Variants in NTNG1 observed in about 807,000 individuals in gnomAD.
NTNG1 encodes the protein netrin-G1.
Under a neutral mutation model 54.0 loss-of-function variants are expected in NTNG1, and 16 were observed. The ratio of observed to expected loss-of-function variants is 0.30; its 90% confidence interval spans 0.20 to 0.45. The LOEUF is 0.45. NTNG1 is among the 20% of genes least tolerant of loss of function. The pLI is 1.00. For synonymous variants in NTNG1, 255 were observed against 263.1 expected (o/e 0.97, Z 0.30); for missense variants, 530 against 678.7 (o/e 0.78, Z 2.43).
At chr1:107,313,854 GA>G (rs1163292272) in intron 2 of NTNG1, among the ~76,000 whole-genome samples, 1 of 151,912 alleles carries the variant, frequency 6.6e-6, no homozygotes, top group Non-Finnish European at 1.5e-5. Context: ...CTTTTAAGTG[GA>G]ATCTGCTCCT....
chr1:107,436,458 G>T (rs1371466229), intron 6 of NTNG1, among the ~76,000 whole-genome samples: 1 of 152,136 alleles, frequency 6.6e-6, no homozygotes, highest in African/African-American at 2.4e-5. Flanking sequence ...GTTTTCAGTT[G>T]ATTTCCTCCC....
At chr1:107,372,533 A>G (rs1034900309) in intron 3 of NTNG1, among the ~76,000 whole-genome samples, 1 of 152,090 alleles carries the variant, frequency 6.6e-6, no homozygotes, top group African/African-American at 2.4e-5. Context: ...GAGAACATAC[A>G]TTGTATAACT....
At chr1:107,304,867 T>C (rs914421784) in intron 2 of NTNG1, among the ~76,000 whole-genome samples, 9 of 152,156 alleles carry the variant, frequency 5.9e-5, no homozygotes, top group African/African-American at 2.2e-4. Context: ...GTATTTCTTC[T>C]AATGCTATCC....
intron 2 of NTNG1, among the ~76,000 whole-genome samples, chr1:107,272,605 G>A (rs1213673377): frequency 1.3e-5 from 2 of 152,058 alleles, no homozygotes; most frequent in Non-Finnish European, 2.9e-5. Flanking sequence ...ACAGAATTCA[G>A]GTATAGAATA....
intron 2 of NTNG1, among the ~76,000 whole-genome samples, chr1:107,163,351 A>G (rs1294832144): frequency 6.6e-6 from 1 of 152,142 alleles, no homozygotes; most frequent in South Asian, 2.1e-4. Context: ...TAATAAGATG[A>G]TGTACTTAGC....
intron 5 of NTNG1, among the ~76,000 whole-genome samples, chr1:107,417,442 G>A (rs1309380194): frequency 6.6e-6 from 1 of 152,094 alleles, no homozygotes; most frequent in African/African-American, 2.4e-5. Flanking sequence ...CCTGTTTACA[G>A]TAGCATAGCC....
At chr1:107,424,434 T>G (rs988254160) in intron 5 of NTNG1, among the ~76,000 whole-genome samples, 5 of 152,056 alleles carry the variant, frequency 3.3e-5, no homozygotes, top group African/African-American at 1.2e-4. Context: ...GTGAAGCCAT[T>G]AGAATGATGA....
chr1:107,188,907 G>T (rs1020477309), intron 2 of NTNG1, among the ~76,000 whole-genome samples: 2 of 151,980 alleles, frequency 1.3e-5, no homozygotes, highest in African/African-American at 4.8e-5. Flanking sequence ...ATTTAAAATG[G>T]TCCTTCCTGG....
chr1:107,459,539 A>T (rs1226709466), intron 7 of NTNG1, among the ~76,000 whole-genome samples: 3 of 152,212 alleles, frequency 2.0e-5, no homozygotes, highest in African/African-American at 7.2e-5. Context: ...AAAAGAAAAA[A>T]AAATGTATTT....
chr1:107,312,887 AC>A (rs1386212100), intron 2 of NTNG1, among the ~76,000 whole-genome samples: 1 of 152,058 alleles, frequency 6.6e-6, no homozygotes, highest in African/African-American at 2.4e-5. Context: ...CAATAGAAAT[AC>A]CTTTTTTTTT....
intron 2 of NTNG1, among the ~76,000 whole-genome samples, chr1:107,197,259 A>G (rs1290581524): frequency 6.6e-6 from 1 of 151,884 alleles, no homozygotes; most frequent in East Asian, 1.9e-4. Flanking sequence ...CTGTGCTGAA[A>G]CTAGGTAGGT....
Position 107,324,664 on chromosome 1 carries a change from A to G in NTNG1, c.629A>G (p.Tyr210Cys). 1 of 1,613,696 alleles carries G rather than the reference A, an allele frequency of 6.2e-7. No homozygotes were observed. Among genetic ancestry groups the G allele is most frequent in the Non-Finnish European group, 8.5e-7 (1 of 1,179,828 alleles). ...TTAGAAATCATTTGCACAGAAGAGTACTCAACAGGGTATACAACAAATAGC... is the reference window on the plus strand; with the variant it reads ...TTAGAAATCATTTGCACAGAAGAGTGCTCAACAGGGTATACAACAAATAGC... ...TVLEIICTEE[Y>C]STGYTTNSKI... The change falls in exon 3 of 8, where the codon TAC becomes TGC. Residue 210 changes from tyrosine (Y) to cysteine (C), a missense_variant. Tyr to Cys is a radical substitution (Grantham distance 194, BLOSUM62 -2). Coordinates refer to ENST00000370068, the MANE Select transcript of NTNG1 (RefSeq NM_001113226.3).
intron 5 of NTNG1, among the ~76,000 whole-genome samples, chr1:107,424,212 A>T (rs1674740768): frequency 6.6e-6 from 1 of 151,976 alleles, no homozygotes; most frequent in Admixed American, 6.6e-5. Context: ...AAGATATTTT[A>T]AAAAGAAATG....
chr1:107,447,762 C>T (rs1207932052), intron 7 of NTNG1, among the ~76,000 whole-genome samples: 4 of 152,174 alleles, frequency 2.6e-5, no homozygotes, highest in Admixed American at 6.5e-5. Context: ...ACTATGCCTT[C>T]GTTTCATCTT....
upstream of NTNG1, chr1:107,140,991 A>T (rs889496940): frequency 1.3e-4 from 20 of 152,082 alleles, no homozygotes; most frequent in African/African-American, 4.6e-4. Flanking sequence ...CTCTCCGCCC[A>T]CCCTTACTCC....
At chr1:107,322,130 A>G (rs1667696188) in intron 2 of NTNG1, among the ~76,000 whole-genome samples, 1 of 152,142 alleles carries the variant, frequency 6.6e-6, no homozygotes, top group Admixed American at 6.6e-5. Flanking sequence ...GTTTGTTAGT[A>G]TTGACCAATT....
chr1:107,208,441 A>AAAAGAAAG (rs533719890), intron 2 of NTNG1, among the ~76,000 whole-genome samples: 46 of 149,872 alleles, frequency 3.1e-4, no homozygotes, highest in Middle Eastern at 6.8e-3. Context: ...AAAAAAAAAA[A>AAAAGAAAG]AAAGAAAGAA....
chr1:107,333,649 ATGTGTGTGTT>A (rs1668409263), intron 3 of NTNG1, among the ~76,000 whole-genome samples: 1 of 150,934 alleles, frequency 6.6e-6, no homozygotes, highest in African/African-American at 2.4e-5. Context: ...GTGTGTGTGC[ATGTGTGTGTT>A]TGTGTGTGTG....
chr1:107,311,245 A>G (rs551452585), intron 2 of NTNG1, among the ~76,000 whole-genome samples: 2 of 152,286 alleles, frequency 1.3e-5, no homozygotes, highest in Non-Finnish European at 2.9e-5. Context: ...GCTCAAGAAC[A>G]AATACATTCT....
Sources: gnomAD v4.1 joint callset for allele counts (sites outside exome capture counted in the v4.1 genomes callset) on GRCh38, gnomAD v4.1.1 for gene constraint, MANE v1.5 for transcripts, NCBI Gene and HGNC (gene_info 2026-07-23, HGNC 2026-07-21) for gene names.